The following DOP1A variants were observed in gnomAD, a reference collection of about 807,000 sequenced individuals.
DOP1A encodes protein DOP1A.
Under a neutral mutation model 267.6 loss-of-function variants are expected in DOP1A, and 90 were observed. The observed-to-expected ratio is 0.34, with a 90% confidence interval of 0.28 to 0.40. DOP1A has a LOEUF of 0.40. DOP1A is among the 10% of genes least tolerant of loss of function. The pLI, the probability that DOP1A is intolerant of heterozygous loss-of-function variation, is 1.00. For synonymous variants in DOP1A, 932 were observed against 999.1 expected, an observed-to-expected ratio of 0.93 and a Z score of 1.27; for missense variants, 2,437 against 2,900.4, an observed-to-expected ratio of 0.84 and a Z score of 3.67.
chr6:83,077,421 C>T (rs1380518930), intron 1 of DOP1A, among the ~76,000 whole-genome samples: 1 of 152,146 alleles, frequency 6.6e-6, no homozygotes, highest in East Asian at 1.9e-4. Context: ...GTAATCCCAG[C>T]ACTTTGGGAG....
chr6:83,123,430 A>G (rs565004427), intron 12 of DOP1A, among the ~76,000 whole-genome samples: 4 of 152,016 alleles, frequency 2.6e-5, no homozygotes, highest in African/African-American at 4.8e-5. Flanking sequence ...CTTAGCAAAT[A>G]AAGCAAAAAA....
intron 18 of DOP1A, among the ~76,000 whole-genome samples, chr6:83,132,619 G>A (rs1349441454): frequency 6.6e-6 from 1 of 151,930 alleles, no homozygotes; most frequent in African/African-American, 2.4e-5. Context: ...TAGTATTGGT[G>A]GTCTCAGTTC....
Position 83,162,887 on chromosome 6 carries a change from C to G in DOP1A, c.7060C>G (p.Arg2354Gly), listed in dbSNP as rs764952238. The G allele has an allele frequency of 6.2e-7, 1 of 1,612,562 alleles. No homozygotes were observed. The highest frequency in any genetic ancestry group is 1.1e-5 in the South Asian group (1 of 90,886). ...HQREFKPYVV[R>G]LAKLLRKRAK... ...ACGAGAATTTAAACCTTACGTGGTA[C>G]GACTAGCAAAACTTCTTCGGAAAAG... The change falls in exon 38 of 39, where the codon CGA (arginine) becomes GGA (glycine). Residue 2354 changes from arginine to glycine, a missense_variant. This residue lies in a region of DOP1A where 197 missense variants were observed against 246.5 expected (regional missense o/e 0.80). Transcript: ENST00000349129.
intron 1 of DOP1A, among the ~76,000 whole-genome samples, chr6:83,070,924 C>G (rs1046132103): frequency 1.3e-5 from 2 of 152,072 alleles, no homozygotes. Flanking sequence ...TTCTTTATAT[C>G]AATGTGATTA....
chr6:83,141,934 A>C lies in DOP1A; in HGVS notation c.5429A>C (p.Gln1810Pro). 6.3e-7 allele frequency: 1 copy of C among 1,599,382 alleles called. No homozygotes were observed. The highest frequency in any genetic ancestry group is 8.5e-7 in the Non-Finnish European group (1 of 1,176,332). Residue 1810 changes from glutamine to proline, a missense_variant, in exon 24 of 39, where the codon CAG becomes CCG. By Grantham distance (76) the Gln-to-Pro change is moderately conservative. This residue lies in a region of DOP1A where 307 missense variants were observed against 308.6 expected (regional missense o/e 0.99). Coordinates refer to ENST00000349129, the MANE Select transcript of DOP1A (RefSeq NM_015018.4). ...NLGATKNLRQQILELLGPISM... is the reference protein window; with the variant it reads ...NLGATKNLRQPILELLGPISM... The stretch of plus-strand genomic sequence containing the variant: ...AAATTGTTTTAGAACTTGAGACAAC[A>C]GATTCTTGAATTGTTGGGCCCCATT...
downstream of DOP1A, chr6:83,169,539 G>C: frequency 1.8e-6 from 1 of 560,294 alleles, no homozygotes; most frequent in East Asian, 3.1e-5. Context: ...AATAAGGTAA[G>C]TTTTTAATCA....
chr6:83,111,085 T>C (rs1774476858), intron 6 of DOP1A, among the ~76,000 whole-genome samples: 1 of 152,160 alleles, frequency 6.6e-6, no homozygotes, highest in Non-Finnish European at 1.5e-5. Flanking sequence ...AGTTTTGTTT[T>C]TTCTAGAATG....
At chr6:83,132,880 C>T (rs957586509) in intron 18 of DOP1A, among the ~76,000 whole-genome samples, 1 of 152,110 alleles carries the variant, frequency 6.6e-6, no homozygotes, top group Non-Finnish European at 1.5e-5. Flanking sequence ...CTGGAATAAT[C>T]ATTTTTACTA....
chr6:83,145,224 T>TATATATATATAATATATATATA (rs1780436883), intron 24 of DOP1A, among the ~76,000 whole-genome samples: 1 of 68,664 alleles, frequency 1.5e-5, no homozygotes, highest in African/African-American at 7.0e-5. Flanking sequence ...ATATATATAA[T>TATATATATATAATATATATATA]ATATATATAT....
At chr6:83,169,095 A>G, downstream of DOP1A, 1 of 1,451,272 alleles carries the variant, frequency 6.9e-7, no homozygotes, top group Non-Finnish European at 9.0e-7. Context: ...TTAGTGTTTA[A>G]GAAAAACAGA....
chr6:83,166,338 ACTC>A (rs1237060344), intron 38 of DOP1A: 2 of 687,164 alleles, frequency 2.9e-6, no homozygotes, highest in Non-Finnish European at 5.3e-6. Flanking sequence ...TGGCCACTGC[ACTC>A]CTCATCTTCA....
intron 16 of DOP1A, 138 bp from the exon 17 acceptor site, chr6:83,129,985 A>T: frequency 1.0e-6 from 1 of 996,256 alleles, no homozygotes; most frequent in Non-Finnish European, 1.4e-6. Context: ...AAAGCTCTAG[A>T]CTAGGTGAGA....
chr6:83,101,498 C>T lies in DOP1A; in HGVS notation c.320+612C>T, dbSNP rs183117005. Among the ~76,000 whole-genome samples the T allele has an allele frequency of 8.5e-4, 130 of 152,218 alleles. 1 individual carries two copies. Among genetic ancestry groups the T allele is most frequent in the Non-Finnish European group, 2.2e-4 (15 of 68,010 alleles). On this transcript the variant is annotated intron_variant, in intron 4 of 38. Coordinates refer to ENST00000349129, the MANE Select transcript of DOP1A (RefSeq NM_015018.4). ...CTGGCCTGAGAAAAAAATAGGATAC[C>T]TTGATCTCTCAGCAACTTTCAACAT...
chr6:83,069,790 A>G (rs1483106605), intron 1 of DOP1A, among the ~76,000 whole-genome samples: 1 of 152,150 alleles, frequency 6.6e-6, no homozygotes, highest in Admixed American at 6.5e-5. Context: ...ATTTTATTCA[A>G]AATGGCATTT....
chr6:83,119,931 T>C (rs1313627896), intron 9 of DOP1A, 74 bp downstream of exon 9: 1 of 1,196,370 alleles, frequency 8.4e-7, no homozygotes, highest in African/African-American at 1.5e-5. Context: ...AGACGAGGTC[T>C]TGCCTTAATT....
downstream of DOP1A, chr6:83,170,365 A>T (rs138246325): frequency 1.2e-6 from 2 of 1,614,010 alleles, no homozygotes; most frequent in African/African-American, 2.7e-5. Context: ...GCCGGACAAA[A>T]GCTCGAGAAA....
In DOP1A at chr6:83,142,109, C is replaced by T. The variant is rs1779744498; in HGVS notation, c.5541+63C>T. 4 of 1,579,194 alleles carry T rather than the reference C, an allele frequency of 2.5e-6. No individual in the cohort carries two copies. The Admixed American group carries it at 7.5e-5, about 30-fold the overall frequency. ...TTTGGTGAGTACATGCTAATTTCCA[C>T]TTCTCCATATATTGCAGTGGGGCCG... On this transcript the variant is annotated intron_variant, in intron 24 of 38. Coordinates refer to ENST00000349129, the MANE Select transcript of DOP1A (RefSeq NM_015018.4).
intron 5 of DOP1A, among the ~76,000 whole-genome samples, chr6:83,109,778 T>C (rs1774235222): frequency 6.6e-6 from 1 of 152,220 alleles, no homozygotes; most frequent in Non-Finnish European, 1.5e-5. Context: ...CTAAAATGTA[T>C]ATGGTATTTT....
chr6:83,160,275 T>C (rs1267892257), intron 37 of DOP1A, among the ~76,000 whole-genome samples: 1 of 152,190 alleles, frequency 6.6e-6, no homozygotes, highest in Non-Finnish European at 1.5e-5. Flanking sequence ...TGAGGCCACA[T>C]AGCAGAGATC....
Sources: allele counts gnomAD v4.1 joint callset (sites outside exome capture counted in the v4.1 genomes callset), GRCh38; gene constraint gnomAD v4.1.1; regional missense constraint gnomAD v4.1.1; transcripts MANE v1.5; gene names NCBI Gene and HGNC (gene_info 2026-07-23, HGNC 2026-07-21).